The following PCM1 variants were observed in gnomAD, a reference collection of about 807,000 sequenced individuals.
PCM1 encodes pericentriolar material 1 protein.
In PCM1, 157 loss-of-function variants were observed where a neutral mutation model predicts 241.9. The ratio of observed to expected loss-of-function variants is 0.65; its 90% CI spans 0.57 to 0.74. PCM1 has a LOEUF of 0.74. Ranked by LOEUF, PCM1 falls within the 30% of genes least tolerant of loss-of-function variation. The probability of loss-of-function intolerance (pLI) is 0.00; values close to 1 mark genes in which losing one functional copy is unlikely to be tolerated. For missense variants in PCM1, 3,478 were observed against 2,360.1 expected, an observed-to-expected ratio of 1.47 and a Z score of -9.81; for synonymous variants, 1,085 against 784.9, an observed-to-expected ratio of 1.38 and a Z score of -6.39.
intron 8 of PCM1, among the ~76,000 whole-genome samples, chr8:17,951,703 A>G (rs1385039789): frequency 6.6e-6 from 1 of 152,214 alleles, no homozygotes; most frequent in African/African-American, 2.4e-5. Flanking sequence ...AAACATGTAG[A>G]GAATGGTAGA....
chr8:17,994,558 G>C (rs888438134), intron 29 of PCM1, among the ~76,000 whole-genome samples: 3 of 152,158 alleles, frequency 2.0e-5, no homozygotes, highest in African/African-American at 7.2e-5. Flanking sequence ...CCAGCAGTGG[G>C]ATTGCTGGAT....
chr8:17,980,093 C>G (rs1447365419), intron 23 of PCM1: 2 of 150,616 alleles, frequency 1.3e-5, no homozygotes, highest in Non-Finnish European at 3.0e-5. Context: ...TGTATATATA[C>G]CAAAATATTT....
In PCM1 at chr8:18,006,397, G is replaced by A; in HGVS notation, c.4962G>A (p.Gln1654=). The A allele has an allele frequency of 6.2e-7, 1 of 1,601,666 alleles. No homozygotes were observed. The highest frequency in any genetic ancestry group is 1.1e-5 in the South Asian group (1 of 90,752). ...FFHKQLGSIL[Q]DSLAKFAGRK... is the part of the protein sequence containing the mutation. ...ATAAACAACTTGGAAGTATATTACA[G>A]GTAAGAGTTTATACTTGTATGATTT... Residue 1654 remains glutamine (Q), a splice_region_variant and synonymous_variant, in exon 30 of 39, where the codon CAG becomes CAA. Transcript: ENST00000325083.
intron 9 of PCM1, among the ~76,000 whole-genome samples, chr8:17,953,919 T>G (rs1240265400): frequency 6.6e-6 from 1 of 152,208 alleles, no homozygotes; most frequent in Admixed American, 6.5e-5. Context: ...GCTGTCTAAT[T>G]AAAGAAAAGA....
At chr8:17,933,979 T>C (rs1380844862) in intron 2 of PCM1, among the ~76,000 whole-genome samples, 2 of 152,170 alleles carry the variant, frequency 1.3e-5, no homozygotes, top group African/African-American at 2.4e-5. Context: ...GAGTGAAATA[T>C]AACAGGAAGG....
At chr8:17,953,276 C>A in intron 9 of PCM1, 90 bp downstream of exon 9, 1 of 593,934 alleles carries the variant, frequency 1.7e-6, no homozygotes, top group Non-Finnish European at 2.7e-6. Flanking sequence ...TGAATGAACA[C>A]ATAGCTCCTC....
At chr8:18,012,113 G>C (rs962370363) in intron 34 of PCM1, among the ~76,000 whole-genome samples, 8 of 152,026 alleles carry the variant, frequency 5.3e-5, no homozygotes, top group Admixed American at 1.3e-4. Context: ...TCCCACCTCA[G>C]CCTCCCAAAG....
chr8:17,937,216 T>C lies in PCM1; in HGVS notation c.179T>C (p.Val60Ala). The change falls in exon 4 of 39, where the codon GTA becomes GCA. Residue 60 changes from valine (V) to alanine (A), a missense_variant. By Grantham distance (64) the Val-to-Ala change is moderately conservative. Coordinates refer to ENST00000325083, the MANE Select transcript of PCM1 (RefSeq NM_006197.4). ...TTTGGTGTAGAAAGTGATAAAAGAG[T>C]AACCAATGATATTTCTCCGGAGTCG... Reference protein sequence around the residue: ...KKFGVESDKRVTNDISPESSP... With the variant: ...KKFGVESDKRATNDISPESSP... 1 of 1,605,006 alleles carries C rather than the reference T, an allele frequency of 6.2e-7. No individual in the cohort carries two copies. Among genetic ancestry groups the C allele is most frequent in the South Asian group, 1.1e-5 (1 of 89,806 alleles).
Position 18,009,731 on chromosome 8 carries a change from C to A in PCM1, c.5147C>A (p.Ser1716Tyr). Residue 1716 changes from serine (S) to tyrosine (Y), a missense_variant, in exon 31 of 39, where the codon TCT (serine) becomes TAT (tyrosine). Ser to Tyr is a moderately radical substitution (Grantham distance 144). Transcript: ENST00000325083. The part of the protein sequence containing the change: ...RKIEATGVIQ[S>Y]CAKEAKRILE... ...ATAGAAGCAACTGGAGTGATACAAT[C>A]TTGTGCCAAAGAGGTAAATAACGTT... The A allele has an allele frequency of 6.9e-7, 1 of 1,458,308 alleles. No homozygotes were observed. The highest frequency in any genetic ancestry group is 1.6e-5 in the South Asian group (1 of 60,760). The allele number at this position is 1,458,308 out of a possible 1,614,324, so 90.3% of individuals were successfully genotyped here. A position where few individuals can be genotyped will look rare whatever the true frequency, so the allele number is the denominator to read the frequency against.
chr8:17,958,664 T>G (rs560195201), intron 13 of PCM1, among the ~76,000 whole-genome samples: 4 of 152,320 alleles, frequency 2.6e-5, no homozygotes, highest in Admixed American at 1.3e-4. Context: ...GCTATGTACT[T>G]TGAATTACTC....
chr8:17,992,123 A>G (rs1465468956), intron 28 of PCM1, among the ~76,000 whole-genome samples: 1 of 152,192 alleles, frequency 6.6e-6, no homozygotes, highest in African/African-American at 2.4e-5. Context: ...CATATACCAC[A>G]TTTTCTTTAT....
intron 36 of PCM1, chr8:18,025,086 G>C (rs1351205855): frequency 3.5e-6 from 1 of 283,350 alleles, no homozygotes; most frequent in African/African-American, 2.3e-5. Flanking sequence ...TCTGTTTTTA[G>C]TCCTGGTTGT....
At chr8:17,928,409 C>G (rs985013293) in intron 2 of PCM1, among the ~76,000 whole-genome samples, 1 of 152,094 alleles carries the variant, frequency 6.6e-6, no homozygotes, top group Non-Finnish European at 1.5e-5. Context: ...CACTTAGGAA[C>G]ACCTTTGGTT....
At chr8:17,971,235 G>A (rs1351934224) in intron 22 of PCM1, among the ~76,000 whole-genome samples, 1 of 152,106 alleles carries the variant, frequency 6.6e-6, no homozygotes, top group Non-Finnish European at 1.5e-5. Flanking sequence ...GGCTGAATTT[G>A]GTCTGTAAGT....
intron 23 of PCM1, among the ~76,000 whole-genome samples, chr8:17,976,954 T>C (rs558958310): frequency 1.9e-4 from 29 of 152,126 alleles, no homozygotes; most frequent in Non-Finnish European, 3.7e-4. Flanking sequence ...GATGACTGTA[T>C]GTATTCCTTT....
intron 2 of PCM1, chr8:17,925,610 G>C (rs910855664): frequency 1.2e-4 from 18 of 152,228 alleles, no homozygotes; most frequent in African/African-American, 4.3e-4. Flanking sequence ...GCCGAGGTGG[G>C]CGGATGACGA....
intron 6 of PCM1, among the ~76,000 whole-genome samples, chr8:17,942,812 A>T (rs1035148491): frequency 1.3e-5 from 2 of 152,064 alleles, no homozygotes; most frequent in Non-Finnish European, 2.9e-5. Context: ...TGGCCAACAT[A>T]GTGAAACCCT....
intron 2 of PCM1, chr8:17,926,729 A>G (rs975379824): frequency 2.0e-5 from 3 of 152,208 alleles, no homozygotes; most frequent in Non-Finnish European, 4.4e-5. Flanking sequence ...GTAAAGAATC[A>G]AGGGATTGAT....
intron 29 of PCM1, among the ~76,000 whole-genome samples, chr8:18,002,883 G>A (rs2090084111): frequency 8.3e-6 from 1 of 120,938 alleles, no homozygotes; most frequent in Non-Finnish European, 1.5e-5. Context: ...CTTTTGAGAA[G>A]TGTCTGTTCA....
Sources: allele counts gnomAD v4.1 joint callset (sites outside exome capture counted in the v4.1 genomes callset), GRCh38; gene constraint gnomAD v4.1.1; transcripts MANE v1.5; gene names NCBI Gene and HGNC (gene_info 2026-07-23, HGNC 2026-07-21).